The following ADAMTS20 variants were observed in gnomAD, a reference collection of about 807,000 sequenced individuals.
The protein encoded by ADAMTS20 is ADAM metallopeptidase with thrombospondin type 1 motif 20.
In ADAMTS20, 225 loss-of-function variants were observed where a neutral mutation model predicts 260.1. The observed-to-expected ratio is 0.87, with a 90% CI of 0.78 to 0.97. ADAMTS20 has a LOEUF of 0.97. ADAMTS20 is among the 50% of genes least tolerant of loss of function. The pLI, the probability that ADAMTS20 is intolerant of heterozygous loss-of-function variation, is 0.00. For synonymous variants in ADAMTS20, 802 were observed against 769.5 expected (o/e 1.04, Z -0.70); for missense variants, 2,400 against 2,337.7 (o/e 1.03, Z -0.55).
chr12:43,383,601 T>C lies in ADAMTS20; in HGVS notation c.4754A>G (p.Asn1585Ser), dbSNP rs772232959. ...TACCACAATGTAATTGCAAGGAGGG[T>C]TCCTGCAATTCTTGGATGTAAGAGA... Reference protein sequence around the residue: ...TISLTSKNCRNPPCNYIVVTA... With the variant: ...TISLTSKNCRSPPCNYIVVTA... Residue 1585 changes from asparagine (N) to serine (S), a missense_variant, in exon 31 of 39, where the codon AAC (asparagine) becomes AGC (serine). By Grantham distance (46) the Asn-to-Ser change is conservative. Coordinates refer to ENST00000389420, the MANE Select transcript of ADAMTS20 (RefSeq NM_025003.5). 1.9e-6 allele frequency: 3 copies of C among 1,613,598 alleles called. No individual in the cohort carries two copies. The South Asian group carries it at 3.3e-5, about 18-fold the overall frequency.
chr12:43,446,931 A>G (rs1941773526), intron 14 of ADAMTS20, among the ~76,000 whole-genome samples: 1 of 152,086 alleles, frequency 6.6e-6, no homozygotes, highest in Non-Finnish European at 1.5e-5. Flanking sequence ...CCCTCCCAAG[A>G]CTGAAGGTGG....
intron 2 of ADAMTS20, among the ~76,000 whole-genome samples, chr12:43,534,309 T>C (rs550799199): frequency 2.6e-5 from 4 of 151,682 alleles, no homozygotes; most frequent in South Asian, 2.1e-4. Flanking sequence ...CATCAAAAAG[T>C]GGGCGAAGGA....
chr12:43,480,737 A>C (rs927104199), intron 7 of ADAMTS20, among the ~76,000 whole-genome samples: 7 of 152,142 alleles, frequency 4.6e-5, no homozygotes, highest in African/African-American at 1.7e-4. Flanking sequence ...TCTCATTTAC[A>C]TGGAATCTAA....
chr12:43,383,800 T>A lies in ADAMTS20; in HGVS notation c.4626+4A>T. On this transcript the variant is annotated splice_donor_region_variant and intron_variant, in intron 30 of 38. Transcript: ENST00000389420. ...TCTTTGAAAATTTACATGTCGATAC[T>A]CACATTCAGCCTCCCTCTTTCCATC... 1 of 1,613,640 alleles carries A rather than the reference T, an allele frequency of 6.2e-7. No homozygotes were observed. Among genetic ancestry groups the A allele is most frequent in the Non-Finnish European group, 8.5e-7 (1 of 1,179,712 alleles).
chr12:43,361,317 C>G (rs1939862380), intron 37 of ADAMTS20, among the ~76,000 whole-genome samples: 1 of 152,190 alleles, frequency 6.6e-6, no homozygotes, highest in Non-Finnish European at 1.5e-5. Context: ...TATTACAGAA[C>G]ATCTCCAAAA....
chr12:43,373,946 TG>T lies in ADAMTS20; in HGVS notation c.5446+1432del, dbSNP rs1940165611. On this transcript the variant is annotated intron_variant, in intron 36 of 38. Coordinates refer to ENST00000389420, the MANE Select transcript of ADAMTS20 (RefSeq NM_025003.5). Reference sequence around the variant, plus strand: ...CGCCCGCCTCGGCCTCCCAAAGTGCTGGGATTACAGGCGTGAGTCACCGCGC... The same window carrying T: ...CGCCCGCCTCGGCCTCCCAAAGTGCTGGATTACAGGCGTGAGTCACCGCGC... 3.9e-5 allele frequency among the ~76,000 whole-genome samples: 6 copies of T among 152,160 alleles called. No homozygotes were observed. In the South Asian group the frequency reaches 1.2e-3, roughly 32 times the overall value.
At chr12:43,467,635 C>G (rs1439737046) in intron 8 of ADAMTS20, among the ~76,000 whole-genome samples, 2 of 151,972 alleles carry the variant, frequency 1.3e-5, no homozygotes, top group African/African-American at 4.8e-5. Flanking sequence ...ATAGTGCCAC[C>G]CAGATGTTGC....
chr12:43,474,118 C>A (rs12372248), intron 7 of ADAMTS20, among the ~76,000 whole-genome samples: 2 of 151,468 alleles, frequency 1.3e-5, no homozygotes, highest in Non-Finnish European at 2.9e-5. Context: ...AAAAAGAGAG[C>A]AGAATCAAAT....
chr12:43,496,373 A>G (rs957138613), intron 4 of ADAMTS20, among the ~76,000 whole-genome samples: 3 of 152,232 alleles, frequency 2.0e-5, no homozygotes, highest in Admixed American at 1.3e-4. Context: ...TTCATTCTGT[A>G]CAGTCTGGCT....
At chr12:43,412,580 T>C (rs1259559171) in intron 28 of ADAMTS20, among the ~76,000 whole-genome samples, 1 of 152,158 alleles carries the variant, frequency 6.6e-6, no homozygotes, top group East Asian at 1.9e-4. Context: ...GATTGACACC[T>C]TGCCAATTTT....
chr12:43,501,055 C>CTTTCTTTTTT (rs1233637012), intron 4 of ADAMTS20, among the ~76,000 whole-genome samples: 1 of 104,882 alleles, frequency 9.5e-6, no homozygotes, highest in Non-Finnish European at 1.8e-5. Context: ...CTATGTAATT[C>CTTTCTTTTTT]TTTTTTTTTT....
intron 2 of ADAMTS20, among the ~76,000 whole-genome samples, chr12:43,542,247 A>C (rs1171243618): frequency 1.3e-5 from 2 of 152,234 alleles, no homozygotes; most frequent in Non-Finnish European, 2.9e-5. Context: ...AATCATAACA[A>C]TGAGAAATTT....
intron 28 of ADAMTS20, among the ~76,000 whole-genome samples, chr12:43,424,186 A>C (rs1219276177): frequency 1.3e-5 from 2 of 152,166 alleles, no homozygotes; most frequent in Non-Finnish European, 2.9e-5. Flanking sequence ...AATAGATTAT[A>C]AACTCAAATC....
chr12:43,362,736 C>G (rs1375564245), intron 37 of ADAMTS20, among the ~76,000 whole-genome samples: 3 of 151,240 alleles, frequency 2.0e-5, no homozygotes, highest in African/African-American at 7.3e-5. Flanking sequence ...AGAAGATTTT[C>G]TTCTTGATTT....
At chr12:43,387,228 C>G (rs1461787924) in intron 29 of ADAMTS20, among the ~76,000 whole-genome samples, 9 of 152,164 alleles carry the variant, frequency 5.9e-5, no homozygotes, top group Non-Finnish European at 1.2e-4. Flanking sequence ...GTTAATTTTC[C>G]TTCCAACAGT....
intron 3 of ADAMTS20, among the ~76,000 whole-genome samples, chr12:43,523,470 G>A (rs1451375260): frequency 4.6e-5 from 7 of 152,130 alleles, no homozygotes; most frequent in Non-Finnish European, 1.5e-5. Context: ...GGGGGTGGGG[G>A]GCAAGTGGAA....
chr12:43,466,650 A>G lies in ADAMTS20; in HGVS notation c.1367+2T>C. ...TCAATTATTTAACATAAATTTACTT[A>G]CTCTAGGAATTCAGTAACATATTTC... is the stretch of plus-strand genomic sequence containing the variant. On this transcript the variant is annotated splice_donor_variant, in intron 9 of 38. Coordinates refer to ENST00000389420, the MANE Select transcript of ADAMTS20 (RefSeq NM_025003.5). LOFTEE classifies it high-confidence loss of function. The G allele has an allele frequency of 6.2e-7, 1 of 1,601,454 alleles. No individual in the cohort carries two copies. Among genetic ancestry groups the G allele is most frequent in the Non-Finnish European group, 8.5e-7 (1 of 1,175,556 alleles).
chr12:43,480,307 T>C (rs1018483793), intron 7 of ADAMTS20, among the ~76,000 whole-genome samples: 2 of 152,126 alleles, frequency 1.3e-5, no homozygotes, highest in Non-Finnish European at 1.5e-5. Context: ...GCAAGTAGAA[T>C]CTAGCAGTGT....
At chr12:43,425,945 A>G (rs1189394910) in intron 27 of ADAMTS20, among the ~76,000 whole-genome samples, 1 of 152,174 alleles carries the variant, frequency 6.6e-6, no homozygotes, top group East Asian at 1.9e-4. Context: ...CCAGATTTTG[A>G]GGATTAGTAT....
Sources: allele counts gnomAD v4.1 joint callset (sites outside exome capture counted in the v4.1 genomes callset), GRCh38; gene constraint gnomAD v4.1.1; transcripts MANE v1.5; gene names NCBI Gene and HGNC (gene_info 2026-07-23, HGNC 2026-07-21).